SLC9B1: variants seen among roughly 807,000 people sequenced by gnomAD.
SLC9B1 encodes solute carrier family 9 member B1, also known as sodium/hydrogen exchanger 9B1.
SLC9B1 carries 32 observed loss-of-function variants against 51.7 expected under a neutral mutation model. The observed-to-expected ratio is 0.62, with a 90% CI of 0.47 to 0.83. The LOEUF (loss-of-function observed/expected upper bound fraction) is 0.83. SLC9B1 is among the 40% of genes least tolerant of loss of function. The pLI is 0.00. For synonymous variants in SLC9B1, 145 were observed against 212.7 expected (o/e 0.68, Z 2.77); for missense variants, 406 against 613.2 (o/e 0.66, Z 3.57).
At chr4:102,942,314 C>T (rs769787186) in intron 6 of SLC9B1, among the ~76,000 whole-genome samples, 7 of 151,988 alleles carry the variant, frequency 4.6e-5, no homozygotes, top group Non-Finnish European at 7.4e-5. Context: ...CTTCCCTGAA[C>T]TAGAAAAAGC....
intron 3 of SLC9B1, among the ~76,000 whole-genome samples, chr4:102,985,104 G>A (rs1021577055): frequency 6.6e-6 from 1 of 152,138 alleles, no homozygotes; most frequent in African/African-American, 2.4e-5. Context: ...AACACTCATT[G>A]CTGGAAGTCT....
intron 1 of SLC9B1, among the ~76,000 whole-genome samples, chr4:103,016,161 A>G (rs1741320852): frequency 6.7e-6 from 1 of 150,286 alleles, no homozygotes; most frequent in South Asian, 2.1e-4. Flanking sequence ...AAAGGAAAGT[A>G]TATGTTTATA....
At chr4:102,924,343 G>T (rs113756057) in intron 7 of SLC9B1, among the ~76,000 whole-genome samples, 5 of 151,978 alleles carry the variant, frequency 3.3e-5, no homozygotes, top group African/African-American at 1.2e-4. Flanking sequence ...CTGGGAAAAC[G>T]GGCTAGCAAT....
At chr4:102,931,328 AGGAAGAAG>A (rs1159929444) in intron 7 of SLC9B1, among the ~76,000 whole-genome samples, 3 of 151,672 alleles carry the variant, frequency 2.0e-5, no homozygotes, top group East Asian at 3.9e-4. Context: ...GGAAAGGGAA[AGGAAGAAG>A]GGAAGAAGGG....
In SLC9B1 at chr4:102,907,535, C is replaced by G. The variant is rs888871974; in HGVS notation, c.1087-891G>C. Among the ~76,000 whole-genome samples, 48 of 152,326 alleles carry G rather than the reference C, an allele frequency of 3.2e-4. 1 individual carries two copies. The highest frequency in any genetic ancestry group is 2.7e-3 in the Admixed American group (41 of 15,302). On this transcript the variant is annotated intron_variant, in intron 9 of 11. Transcript: ENST00000296422. ...ATTAGATTCTCATTTAACTGCCTAC[C>G]CAGCTTCCCTTTCTGGAAACGAATG...
intron 1 of SLC9B1, among the ~76,000 whole-genome samples, chr4:103,015,684 T>C (rs181457874): frequency 9.5e-4 from 145 of 152,244 alleles, no homozygotes; most frequent in Middle Eastern, 3.4e-3. Context: ...TACCCAAATA[T>C]TCCTCCTCAC....
At chr4:103,012,351 A>T (rs936745978) in intron 1 of SLC9B1, among the ~76,000 whole-genome samples, 1 of 152,092 alleles carries the variant, frequency 6.6e-6, no homozygotes, top group African/African-American at 2.4e-5. Flanking sequence ...CCACTGAAGA[A>T]CTCATCAGAA....
intron 7 of SLC9B1, among the ~76,000 whole-genome samples, chr4:102,924,454 C>T (rs765332887): frequency 1.1e-4 from 16 of 152,112 alleles, no homozygotes; most frequent in Admixed American, 8.5e-4. Context: ...CATAAAAACC[C>T]TAGAAGAATA....
intron 6 of SLC9B1, among the ~76,000 whole-genome samples, chr4:102,935,915 C>G (rs531692339): frequency 6.6e-6 from 1 of 152,300 alleles, no homozygotes; most frequent in East Asian, 1.9e-4. Flanking sequence ...CGGCACTGCA[C>G]CCCTGCCAAC....
intron 1 of SLC9B1, among the ~76,000 whole-genome samples, chr4:103,011,303 C>T (rs1384394317): frequency 1.3e-5 from 2 of 152,204 alleles, no homozygotes; most frequent in Non-Finnish European, 2.9e-5. Context: ...CTTCTGCATA[C>T]AATGGGGAAG....
chr4:102,968,119 G>A (rs1345145761), intron 3 of SLC9B1, among the ~76,000 whole-genome samples: 2 of 152,220 alleles, frequency 1.3e-5, no homozygotes, highest in Non-Finnish European at 2.9e-5. Flanking sequence ...TAAAGCAGCA[G>A]TAGTCAAGAC....
chr4:102,921,440 C>T (rs1227645797), intron 7 of SLC9B1, among the ~76,000 whole-genome samples: 1 of 152,166 alleles, frequency 6.6e-6, no homozygotes, highest in Non-Finnish European at 1.5e-5. Context: ...ACACCCGGTA[C>T]CAGCCAGGGC....
At chr4:102,945,095 A>G in intron 6 of SLC9B1, 98 bp downstream of exon 6, 1 of 1,252,650 alleles carries the variant, frequency 8.0e-7, no homozygotes, top group South Asian at 2.7e-5. Flanking sequence ...AACGAATTTT[A>G]ATAGAGCTTT....
chr4:102,922,927 CA>C (rs530561164), intron 7 of SLC9B1, among the ~76,000 whole-genome samples: 3 of 150,022 alleles, frequency 2.0e-5, no homozygotes, highest in South Asian at 4.2e-4. Flanking sequence ...GCCTACCAAC[CA>C]AAAAAAAAGT....
chr4:102,898,853 G>A (rs1263630965), downstream of SLC9B1, among the ~76,000 whole-genome samples: 9 of 152,228 alleles, frequency 5.9e-5, no homozygotes, highest in East Asian at 1.9e-4. Context: ...TCAGCCTCCC[G>A]AGTAGCCGGG....
intron 6 of SLC9B1, among the ~76,000 whole-genome samples, chr4:102,944,110 A>G (rs1449722628): frequency 6.6e-6 from 1 of 152,152 alleles, no homozygotes; most frequent in Non-Finnish European, 1.5e-5. Flanking sequence ...CCATTATCCT[A>G]AGTGAATTAA....
In SLC9B1 at chr4:102,958,499, A is replaced by G. The variant is rs188931705; in HGVS notation, c.212-9072T>C. ...CACCTGTCTCTAAAAAATTTAAGCA[A>G]AATTACCCAGGTGTGATGACACATG... On this transcript the variant is annotated intron_variant, in intron 3 of 11. Transcript: ENST00000296422. Among the ~76,000 whole-genome samples the G allele has an allele frequency of 7.5e-4, 114 of 152,264 alleles. 2 individuals are homozygous for G. The highest frequency in any genetic ancestry group is 8.8e-5 in the Non-Finnish European group (6 of 68,008).
intron 7 of SLC9B1, among the ~76,000 whole-genome samples, chr4:102,927,495 C>T (rs542538292): frequency 6.6e-6 from 1 of 152,294 alleles, no homozygotes; most frequent in African/African-American, 2.4e-5. Context: ...CACTGGTCAT[C>T]AGAGAAATGC....
At chr4:103,011,343 T>C (rs1741076654) in intron 1 of SLC9B1, among the ~76,000 whole-genome samples, 1 of 152,196 alleles carries the variant, frequency 6.6e-6, no homozygotes, top group South Asian at 2.1e-4. Flanking sequence ...CCTGGGAGCC[T>C]TGCCTGCATG....
Sources: gnomAD v4.1 joint callset for allele counts (sites outside exome capture counted in the v4.1 genomes callset) on GRCh38, gnomAD v4.1.1 for gene constraint, MANE v1.5 for transcripts, NCBI Gene and HGNC (gene_info 2026-07-23, HGNC 2026-07-21) for gene names.